UNC80: variants seen among roughly 807,000 people sequenced by gnomAD.
UNC80 encodes the protein unc-80 subunit of NALCN channel complex.
Under a neutral mutation model 384.6 loss-of-function variants are expected in UNC80, and 164 were observed. The observed-to-expected ratio is 0.43, with a 90% CI of 0.38 to 0.49. The LOEUF (loss-of-function observed/expected upper bound fraction) is 0.49, where lower values mean the gene tolerates loss of function less well. Ranked by LOEUF, UNC80 falls within the 20% of genes least tolerant of loss-of-function variation. UNC80 has a pLI of 0.00. For synonymous variants in UNC80, 1,486 were observed against 1,527.8 expected (o/e 0.97, Z 0.64); for missense variants, 3,330 against 4,143.0 (o/e 0.80, Z 5.39).
chr2:209,880,758 A>C (rs1314800936), intron 24 of UNC80, among the ~76,000 whole-genome samples: 1 of 152,204 alleles, frequency 6.6e-6, no homozygotes, highest in Non-Finnish European at 1.5e-5. Context: ...ATGTTAGTGC[A>C]TAAGTCATGC....
At chr2:209,894,491 A>G (rs2086630471) in intron 27 of UNC80, 125 bp downstream of exon 27, 1 of 451,008 alleles carries the variant, frequency 2.2e-6, no homozygotes, top group Non-Finnish European at 2.9e-6. Flanking sequence ...AGGATAGACA[A>G]CCTGTTCAGC....
intron 22 of UNC80, among the ~76,000 whole-genome samples, chr2:209,867,870 C>T (rs1352555773): frequency 6.6e-6 from 1 of 152,150 alleles, no homozygotes; most frequent in Non-Finnish European, 1.5e-5. Flanking sequence ...GGATATTTTA[C>T]CCACCATTTC....
intron 59 of UNC80, among the ~76,000 whole-genome samples, chr2:209,979,527 A>C (rs2093104482): frequency 6.6e-6 from 1 of 152,286 alleles, no homozygotes; most frequent in Non-Finnish European, 1.5e-5. Context: ...AGTACTCCAA[A>C]TTTGAGTTAA....
intron 7 of UNC80, among the ~76,000 whole-genome samples, chr2:209,812,491 A>G (rs1009188410): frequency 3.4e-4 from 51 of 151,886 alleles, no homozygotes; most frequent in African/African-American, 9.9e-4. Flanking sequence ...GAAAATCCCT[A>G]CTCACTCTCT....
In UNC80 at chr2:209,793,795, G is replaced by C; in HGVS notation, c.874G>C (p.Gly292Arg). The C allele has an allele frequency of 6.2e-7, 1 of 1,614,136 alleles. No homozygotes were observed. Among genetic ancestry groups the C allele is most frequent in the South Asian group, 1.1e-5 (1 of 91,072 alleles). ...PKATISGCHR[G>R]NSFDGSLSSQ... ...GGCCACCATTTCAGGCTGTCACCGAGGAAACTCCTTTGATGGAAGTCTGTC... is the reference window on the plus strand; with the variant it reads ...GGCCACCATTTCAGGCTGTCACCGACGAAACTCCTTTGATGGAAGTCTGTC... The change falls in exon 7 of 65, where the codon GGA (glycine) becomes CGA (arginine). Residue 292 changes from glycine (G) to arginine (R), a missense_variant. By Grantham distance (125) the Gly-to-Arg change is moderately radical (BLOSUM62 -2). Transcript: ENST00000673920.
intron 22 of UNC80, among the ~76,000 whole-genome samples, chr2:209,870,841 G>C (rs10178942): frequency 0.44 from 67,001 of 151,938 alleles, 15,013 homozygotes; most frequent in South Asian, 0.59. Flanking sequence ...TTTAAGAAGG[G>C]TTCTCAGAGG....
chr2:209,811,713 A>G (rs2079363267), intron 7 of UNC80, among the ~76,000 whole-genome samples: 3 of 152,208 alleles, frequency 2.0e-5, no homozygotes, highest in Admixed American at 2.0e-4. Flanking sequence ...TTTATTTCCT[A>G]CTTGTCAAAA....
rs1193482529 is a variant in UNC80 at position 209,772,493 on chromosome 2, A to G, written c.92+329A>G. ...ATGACTGGTTGTGCTCCTGCGTCCA[A>G]TTCCCCCTCCATCTCCTGCTGTAAT... On this transcript the variant is annotated intron_variant, in intron 1 of 64. Coordinates refer to ENST00000673920, the MANE Select transcript of UNC80 (RefSeq NM_001371986.1). Among the ~76,000 whole-genome samples the G allele has an allele frequency of 2.6e-5, 4 of 151,908 alleles. No individual in the cohort carries two copies. The East Asian group carries it at 7.7e-4, about 29-fold the overall frequency.
At chr2:209,887,049 AT>A (rs1273030349) in intron 25 of UNC80, among the ~76,000 whole-genome samples, 4 of 151,444 alleles carry the variant, frequency 2.6e-5, no homozygotes, top group Admixed American at 2.6e-4. Context: ...TTTTTTATTT[AT>A]TTTTTGACAG....
intron 4 of UNC80, among the ~76,000 whole-genome samples, chr2:209,780,202 A>G (rs1054571056): frequency 2.6e-5 from 4 of 152,250 alleles, no homozygotes; most frequent in African/African-American, 9.6e-5. Context: ...AAGCTGACTT[A>G]AGACCCTCAT....
chr2:209,898,907 T>A (rs1274438842), intron 28 of UNC80, among the ~76,000 whole-genome samples: 1 of 152,202 alleles, frequency 6.6e-6, no homozygotes, highest in Non-Finnish European at 1.5e-5. Flanking sequence ...TCACTTAACA[T>A]AATGATCTCC....
At chr2:209,802,385 C>T (rs1345786270) in intron 7 of UNC80, among the ~76,000 whole-genome samples, 1 of 152,038 alleles carries the variant, frequency 6.6e-6, no homozygotes, top group East Asian at 1.9e-4. Flanking sequence ...ATAATATGAA[C>T]ATATATTAAA....
At chr2:209,957,770 T>C (rs894349108) in intron 49 of UNC80, 34 bp downstream of exon 49, 1 of 1,540,116 alleles carries the variant, frequency 6.5e-7, no homozygotes. Context: ...CTATGGTCTC[T>C]CAATTTCATA....
In UNC80 at chr2:209,973,113, C is replaced by T. The variant is rs2125013891; in HGVS notation, c.8430C>T (p.Val2810=). 3 of 1,551,538 alleles carry T rather than the reference C, an allele frequency of 1.9e-6. No individual in the cohort carries two copies. In the South Asian group the frequency reaches 3.6e-5, roughly 18 times the overall value. ...QPEVQLLLQT[V]INVLLPPRII... Reference sequence around the variant, plus strand: ...AGGTGCAGCTGCTGCTGCAGACAGTCATCAATGTACTCCTCCCACCGCGGA... The same window carrying T: ...AGGTGCAGCTGCTGCTGCAGACAGTTATCAATGTACTCCTCCCACCGCGGA... The change falls in exon 56 of 65, where the codon GTC becomes GTT. Residue 2810 remains valine (V), a synonymous_variant. Transcript: ENST00000673920.
At chr2:209,777,598 G>A in intron 4 of UNC80, 39 bp downstream of exon 4, 2 of 1,562,974 alleles carry the variant, frequency 1.3e-6, no homozygotes, top group Non-Finnish European at 1.7e-6. Context: ...AGTGGGTGGA[G>A]ATGTGGTGAG....
At chr2:209,788,261 A>G (rs558416399) in intron 5 of UNC80, among the ~76,000 whole-genome samples, 2 of 152,188 alleles carry the variant, frequency 1.3e-5, no homozygotes, top group Admixed American at 6.5e-5. Flanking sequence ...TATTAAAAAT[A>G]CAAAATTAGC....
intron 51 of UNC80, among the ~76,000 whole-genome samples, chr2:209,962,117 C>T (rs1405299461): frequency 1.3e-5 from 2 of 152,036 alleles, no homozygotes; most frequent in Non-Finnish European, 2.9e-5. Flanking sequence ...GGAAAGGGGG[C>T]GTTGTTATGA....
At chr2:209,919,564 A>C (rs1020583294) in intron 33 of UNC80, among the ~76,000 whole-genome samples, 4 of 152,222 alleles carry the variant, frequency 2.6e-5, no homozygotes, top group African/African-American at 9.6e-5. Flanking sequence ...TATTTTATTC[A>C]TACTTCTTTG....
At chr2:209,972,993 G>A (rs1353041261) in intron 55 of UNC80, 71 bp from the exon 56 acceptor site, 1 of 1,410,942 alleles carries the variant, frequency 7.1e-7, no homozygotes, top group African/African-American at 1.4e-5. Context: ...GAGTTTTTCT[G>A]TATCTACTGT....
Sources: allele counts gnomAD v4.1 joint callset (sites outside exome capture counted in the v4.1 genomes callset), GRCh38; gene constraint gnomAD v4.1.1; transcripts MANE v1.5; gene names NCBI Gene and HGNC (gene_info 2026-07-23, HGNC 2026-07-21).